ARHGAP24: variants seen among roughly 807,000 people sequenced by gnomAD.
ARHGAP24 encodes rho GTPase-activating protein 24.
In ARHGAP24, 50 loss-of-function variants were observed where a neutral mutation model predicts 76.4. The ratio of observed to expected loss-of-function variants is 0.65; its 90% CI spans 0.52 to 0.83. The LOEUF (loss-of-function observed/expected upper bound fraction) is 0.83. Ranked by LOEUF, ARHGAP24 falls within the 40% of genes least tolerant of loss-of-function variation. The pLI is 0.00. For missense variants in ARHGAP24, 930 were observed against 914.2 expected (o/e 1.02, Z -0.22); for synonymous variants, 345 against 323.3 (o/e 1.07, Z -0.72).
chr4:85,898,702 A>T (rs962247935), intron 3 of ARHGAP24, among the ~76,000 whole-genome samples: 1 of 152,178 alleles, frequency 6.6e-6, no homozygotes. Flanking sequence ...CAAATCAGTT[A>T]TTGATTCCAA....
At chr4:85,991,351 T>A (rs1257251339) in intron 8 of ARHGAP24, 1 of 152,254 alleles carries the variant, frequency 6.6e-6, no homozygotes, top group East Asian at 1.9e-4. Context: ...CAGAACCATG[T>A]GCTAAACATT....
intron 3 of ARHGAP24, among the ~76,000 whole-genome samples, chr4:85,881,545 C>T (rs916002340): frequency 6.6e-6 from 1 of 151,898 alleles, no homozygotes; most frequent in Non-Finnish European, 1.5e-5. Flanking sequence ...ATTTCACAGA[C>T]GGTGATTTCA....
chr4:85,937,942 C>T (rs1230943180), intron 4 of ARHGAP24, among the ~76,000 whole-genome samples: 1 of 152,140 alleles, frequency 6.6e-6, no homozygotes, highest in Non-Finnish European at 1.5e-5. Context: ...GGTTTAGATT[C>T]ATCTTTGCTT....
At chr4:85,597,843 T>G (rs1206863788) in intron 2 of ARHGAP24, among the ~76,000 whole-genome samples, 1 of 152,098 alleles carries the variant, frequency 6.6e-6, no homozygotes, top group Admixed American at 6.6e-5. Flanking sequence ...TTCTATCAGT[T>G]GAGCCTAGAG....
chr4:85,900,461 T>G (rs1248136014), intron 3 of ARHGAP24, among the ~76,000 whole-genome samples: 2 of 152,164 alleles, frequency 1.3e-5, no homozygotes, highest in Non-Finnish European at 2.9e-5. Context: ...CATTCTTTTT[T>G]TTTTTTGAGA....
chr4:85,768,194 A>G (rs565433675), intron 3 of ARHGAP24, among the ~76,000 whole-genome samples: 1 of 152,326 alleles, frequency 6.6e-6, no homozygotes, highest in East Asian at 1.9e-4. Flanking sequence ...AGTGAATGAA[A>G]ATAGCATGGC....
At chr4:85,564,456 G>A (rs1053149502) in intron 1 of ARHGAP24, among the ~76,000 whole-genome samples, 17 of 75,340 alleles carry the variant, frequency 2.3e-4, no homozygotes, top group Non-Finnish European at 4.0e-4. Context: ...ACGAGTTAAT[G>A]GGTGCAGCAC....
At chr4:85,531,959 C>T (rs79995055) in intron 1 of ARHGAP24, among the ~76,000 whole-genome samples, 8,608 of 152,084 alleles carry the variant, frequency 0.057, 779 homozygotes, top group African/African-American at 0.19. Flanking sequence ...AGACTTACAG[C>T]ACTCCTCAGG....
chr4:85,680,358 C>A (rs1178056477), intron 2 of ARHGAP24, among the ~76,000 whole-genome samples: 5 of 152,152 alleles, frequency 3.3e-5, no homozygotes, highest in East Asian at 1.9e-4. Flanking sequence ...CATAGTCAAC[C>A]TTTCATTGAA....
chr4:85,675,451 G>GAATGGTT (rs1298339020), intron 2 of ARHGAP24, among the ~76,000 whole-genome samples: 11 of 152,316 alleles, frequency 7.2e-5, no homozygotes, highest in African/African-American at 2.6e-4. Flanking sequence ...CAGAAGGGCA[G>GAATGGTT]AATGGTTAAT....
intron 2 of ARHGAP24, among the ~76,000 whole-genome samples, chr4:85,656,464 CTTTG>C (rs1053355752): frequency 1.3e-5 from 2 of 151,850 alleles, no homozygotes; most frequent in African/African-American, 2.4e-5. Flanking sequence ...TTTAATAAAG[CTTTG>C]TTTGTTTGTT....
At chr4:85,833,223 T>G (rs1730083871) in intron 3 of ARHGAP24, among the ~76,000 whole-genome samples, 1 of 152,296 alleles carries the variant, frequency 6.6e-6, no homozygotes, top group African/African-American at 2.4e-5. Flanking sequence ...TCCATTGATA[T>G]GACAATGGAA....
intron 2 of ARHGAP24, among the ~76,000 whole-genome samples, chr4:85,693,602 C>T (rs1374512914): frequency 1.3e-5 from 2 of 152,174 alleles, no homozygotes; most frequent in Admixed American, 1.3e-4. Context: ...CCAAAGTGCT[C>T]CCAGGCCACT....
chr4:85,829,856 T>C (rs1488948994), intron 3 of ARHGAP24, among the ~76,000 whole-genome samples: 1 of 152,256 alleles, frequency 6.6e-6, no homozygotes, highest in African/African-American at 2.4e-5. Flanking sequence ...GTAAGTCACC[T>C]ATTTGATGAA....
intron 1 of ARHGAP24, among the ~76,000 whole-genome samples, chr4:85,501,900 T>C (rs1479845904): frequency 6.6e-6 from 1 of 152,120 alleles, no homozygotes; most frequent in African/African-American, 2.4e-5. Flanking sequence ...AATTTTTGTA[T>C]AAGGTGTAAG....
chr4:85,940,667 A>G (rs2148824296), intron 4 of ARHGAP24, among the ~76,000 whole-genome samples: 1 of 152,300 alleles, frequency 6.6e-6, no homozygotes, highest in East Asian at 1.9e-4. Flanking sequence ...AACCAAGCTA[A>G]CTAGACCTGT....
chr4:85,684,209 C>T (rs1011806787), intron 2 of ARHGAP24, among the ~76,000 whole-genome samples: 1 of 152,150 alleles, frequency 6.6e-6, no homozygotes, highest in African/African-American at 2.4e-5. Flanking sequence ...TTTTACATTT[C>T]CACCAACAGT....
chr4:85,806,223 A>T (rs1728785789), intron 3 of ARHGAP24, among the ~76,000 whole-genome samples: 1 of 152,304 alleles, frequency 6.6e-6, no homozygotes, highest in Non-Finnish European at 1.5e-5. Flanking sequence ...CAAGTCGTTA[A>T]GTCTTGGCTT....
intron 2 of ARHGAP24, among the ~76,000 whole-genome samples, chr4:85,581,564 G>T (rs1414202077): frequency 6.6e-6 from 1 of 152,104 alleles, no homozygotes; most frequent in African/African-American, 2.4e-5. Context: ...TACTGGCCTT[G>T]CTTGAAGGGT....
Sources: allele counts gnomAD v4.1 joint callset (sites outside exome capture counted in the v4.1 genomes callset), GRCh38; gene constraint gnomAD v4.1.1; transcripts MANE v1.5; gene names NCBI Gene and HGNC (gene_info 2026-07-23, HGNC 2026-07-21).